The following OSBPL10 variants were observed in gnomAD, a reference collection of about 807,000 sequenced individuals.
OSBPL10 encodes the protein oxysterol-binding protein-related protein 10.
Under a neutral mutation model 81.7 loss-of-function variants are expected in OSBPL10, and 49 were observed. The ratio of observed to expected loss-of-function variants is 0.60; its 90% CI spans 0.48 to 0.76. OSBPL10 has a LOEUF of 0.76. Ranked by LOEUF, OSBPL10 falls within the 30% of genes least tolerant of loss-of-function variation. OSBPL10 has a pLI of 0.00. For missense variants in OSBPL10, 923 were observed against 987.8 expected, an observed-to-expected ratio of 0.93 and a Z score of 0.88; for synonymous variants, 419 against 383.6, an observed-to-expected ratio of 1.09 and a Z score of -1.08.
At chr3:31,744,973 G>C (rs902588570) in intron 5 of OSBPL10, among the ~76,000 whole-genome samples, 2 of 152,300 alleles carry the variant, frequency 1.3e-5, no homozygotes, top group Non-Finnish European at 1.5e-5. Flanking sequence ...ACTCTGAAAA[G>C]TCTCCAGTCT....
intron 4 of OSBPL10, among the ~76,000 whole-genome samples, chr3:31,809,377 A>G (rs1699609180): frequency 6.6e-6 from 1 of 152,250 alleles, no homozygotes; most frequent in Non-Finnish European, 1.5e-5. Context: ...CTTGGCAATT[A>G]AAAGGAACAT....
intron 3 of OSBPL10, among the ~76,000 whole-genome samples, chr3:31,871,188 C>T (rs886575809): frequency 2.0e-5 from 3 of 152,292 alleles, no homozygotes; most frequent in East Asian, 1.9e-4. Flanking sequence ...ACTGCTCACT[C>T]TTTGGGTCCA....
At chr3:31,714,721 G>A (rs184416651) in intron 6 of OSBPL10, 2 of 152,186 alleles carry the variant, frequency 1.3e-5, no homozygotes, top group South Asian at 2.1e-4. Context: ...GCAAGTTCCC[G>A]GACACCTCCC....
chr3:31,968,685 G>T (rs1698474818), intron 1 of OSBPL10, among the ~76,000 whole-genome samples: 1 of 152,128 alleles, frequency 6.6e-6, no homozygotes, highest in Non-Finnish European at 1.5e-5. Flanking sequence ...TGGCTTTTAA[G>T]ACCATCTTCC....
At chr3:31,962,253 G>A in intron 1 of OSBPL10, among the ~76,000 whole-genome samples, 1 of 152,108 alleles carries the variant, frequency 6.6e-6, no homozygotes, top group East Asian at 1.9e-4. Context: ...CACCGCGCCT[G>A]GCCGGCATCA....
chr3:31,934,493 C>A (rs1395263928), intron 1 of OSBPL10, among the ~76,000 whole-genome samples: 1 of 151,076 alleles, frequency 6.6e-6, no homozygotes, highest in Non-Finnish European at 1.5e-5. Flanking sequence ...ACTGCAACCT[C>A]CGCCTCCCAG....
chr3:31,989,357 A>C (rs1698990190), intron 2 of OSBPL10: 5 of 1,614,222 alleles, frequency 3.1e-6, no homozygotes, highest in Non-Finnish European at 4.2e-6. Flanking sequence ...GAAAGACATG[A>C]AAGTCATCAC....
At chr3:31,820,042 G>A (rs1699940707) in intron 4 of OSBPL10, among the ~76,000 whole-genome samples, 1 of 151,918 alleles carries the variant, frequency 6.6e-6, no homozygotes, top group Admixed American at 6.6e-5. Context: ...CTATGGTTCT[G>A]TTTCTCTGGT....
intron 1 of OSBPL10, among the ~76,000 whole-genome samples, chr3:31,900,449 C>A (rs1367479173): frequency 6.6e-6 from 1 of 152,152 alleles, no homozygotes; most frequent in African/African-American, 2.4e-5. Flanking sequence ...TGACTAATTT[C>A]TCACTATTTG....
At chr3:31,796,607 A>G (rs1699218826) in intron 4 of OSBPL10, among the ~76,000 whole-genome samples, 1 of 152,206 alleles carries the variant, frequency 6.6e-6, no homozygotes, top group African/African-American at 2.4e-5. Context: ...ATTTTAGGTC[A>G]GATAACTTGG....
At chr3:31,959,233 GC>G (rs1698092359) in intron 1 of OSBPL10, among the ~76,000 whole-genome samples, 1 of 152,042 alleles carries the variant, frequency 6.6e-6, no homozygotes, top group Non-Finnish European at 1.5e-5. Context: ...ATCAAATTTA[GC>G]CAGGTCCCTT....
At chr3:31,935,065 G>A (rs1020078018) in intron 1 of OSBPL10, among the ~76,000 whole-genome samples, 1 of 152,152 alleles carries the variant, frequency 6.6e-6, no homozygotes, top group Non-Finnish European at 1.5e-5. Context: ...AGGAAGGTGG[G>A]AAGGGAAATG....
chr3:31,820,072 C>A (rs550543548), intron 4 of OSBPL10, among the ~76,000 whole-genome samples: 2 of 152,232 alleles, frequency 1.3e-5, no homozygotes, highest in South Asian at 4.2e-4. Context: ...GCTAGTACAC[C>A]TCTCTTTGCC....
chr3:31,871,523 A>G (rs1302774007), intron 3 of OSBPL10, among the ~76,000 whole-genome samples: 1 of 152,192 alleles, frequency 6.6e-6, no homozygotes, highest in Admixed American at 6.5e-5. Flanking sequence ...TTCCGGACAC[A>G]CTGTAACACC....
In OSBPL10 at chr3:31,683,891, G is replaced by A. The variant is rs768052410; in HGVS notation, c.1469C>T (p.Ser490Phe). The part of the protein sequence containing the change: ...NPIIGETFHC[S>F]WEVPKDRVKP... ...GACCCTGTCCTTGGGAACTTCCCAG[G>A]AGCAGTGAAATGTCTCGCCTATGAT... The change falls in exon 8 of 12, where the codon TCC becomes TTC. Residue 490 changes from serine to phenylalanine, a missense_variant. Transcript: ENST00000396556. The A allele has an allele frequency of 6.2e-7, 1 of 1,614,232 alleles. No individual in the cohort carries two copies. The highest frequency in any genetic ancestry group is 8.5e-7 in the Non-Finnish European group (1 of 1,180,038).
chr3:31,973,050 T>C (rs1575071227), intron 1 of OSBPL10, among the ~76,000 whole-genome samples: 1 of 152,184 alleles, frequency 6.6e-6, no homozygotes, highest in Non-Finnish European at 1.5e-5. Flanking sequence ...TCTGGATGGT[T>C]TTCTTTTTAA....
intron 1 of OSBPL10, among the ~76,000 whole-genome samples, chr3:32,070,816 C>G (rs535928789): frequency 6.6e-6 from 1 of 152,192 alleles, no homozygotes; most frequent in East Asian, 1.9e-4. Context: ...CTCACTATTC[C>G]GTTCTTGATC....
chr3:32,010,561 G>T (rs1699244464), intron 2 of OSBPL10, among the ~76,000 whole-genome samples: 1 of 152,188 alleles, frequency 6.6e-6, no homozygotes, highest in Non-Finnish European at 1.5e-5. Context: ...GAGGTACTGG[G>T]TTCATCTCAC....
chr3:31,779,068 T>G (rs1465706330), intron 4 of OSBPL10, among the ~76,000 whole-genome samples: 1 of 150,632 alleles, frequency 6.6e-6, no homozygotes, highest in Non-Finnish European at 1.5e-5. Flanking sequence ...CTAAAAGGAG[T>G]TCTACCTCTT....
Sources: allele counts gnomAD v4.1 joint callset (sites outside exome capture counted in the v4.1 genomes callset), GRCh38; gene constraint gnomAD v4.1.1; transcripts MANE v1.5; gene names NCBI Gene and HGNC (gene_info 2026-07-23, HGNC 2026-07-21).